LARP1B: variants seen among roughly 807,000 people sequenced by gnomAD.
The protein encoded by LARP1B is La ribonucleoprotein 1B.
A neutral mutation model predicts 114.2 loss-of-function variants in LARP1B; 76 were observed. The observed-to-expected ratio is 0.67, with a 90% CI of 0.55 to 0.81. The LOEUF (loss-of-function observed/expected upper bound fraction) is 0.81. Ranked by LOEUF, LARP1B falls within the 30% of genes least tolerant of loss-of-function variation. The pLI, the probability that LARP1B is intolerant of heterozygous loss-of-function variation, is 0.00. For synonymous variants in LARP1B, 345 were observed against 348.0 expected (o/e 0.99, Z 0.10); for missense variants, 1,014 against 1,075.8 (o/e 0.94, Z 0.80).
chr4:128,065,425 G>A (rs971396682), intron 1 of LARP1B, among the ~76,000 whole-genome samples: 2 of 147,256 alleles, frequency 1.4e-5, no homozygotes, highest in African/African-American at 5.0e-5. Flanking sequence ...TCCCAGGCTG[G>A]TCTTGAACTG....
intron 11 of LARP1B, among the ~76,000 whole-genome samples, chr4:128,128,930 C>T (rs1056538004): frequency 2.6e-5 from 4 of 151,894 alleles, no homozygotes; most frequent in African/African-American, 7.3e-5. Flanking sequence ...TTTGGGAGGA[C>T]GAGGTGGGCA....
At chr4:128,205,542 A>G (rs1757335223) in intron 17 of LARP1B, among the ~76,000 whole-genome samples, 1 of 152,196 alleles carries the variant, frequency 6.6e-6, no homozygotes. Context: ...TTTCTCATTT[A>G]CGTAGTGATT....
intron 12 of LARP1B, 53 bp from the exon 13 acceptor site, chr4:128,176,819 A>T: frequency 6.6e-7 from 1 of 1,512,484 alleles, no homozygotes. Flanking sequence ...GAAACAATAA[A>T]TGGATAAAAT....
Position 128,167,190 on chromosome 4 carries a change from C to A in LARP1B, c.1648+4873C>A, listed in dbSNP as rs77367002. On this transcript the variant is annotated intron_variant, in intron 12 of 19. Transcript: ENST00000326639. ...TGGACATGTGAGTGCAGATAGATAT[C>A]TTTCTATGGTGATGATTTCATTTCC... Among the ~76,000 whole-genome samples the A allele has an allele frequency of 3.0e-3, 458 of 151,750 alleles. 4 individuals carry two copies. Among genetic ancestry groups the A allele is most frequent in the African/African-American group, 0.011 (440 of 41,436 alleles).
chr4:128,219,744 A>G (rs1759843692), intron 6 of LARP1B, among the ~76,000 whole-genome samples: 2 of 150,426 alleles, frequency 1.3e-5, no homozygotes, highest in East Asian at 2.0e-4. Flanking sequence ...ATGTATACAT[A>G]GGTAACTAAC....
intron 6 of LARP1B, among the ~76,000 whole-genome samples, chr4:128,219,976 AC>A (rs1193809918): frequency 1.3e-5 from 2 of 152,052 alleles, no homozygotes; most frequent in Admixed American, 6.6e-5. Context: ...ACCTCTGTCT[AC>A]CAGGTTCAAG....
chr4:128,176,200 A>G (rs1745950336), intron 12 of LARP1B, among the ~76,000 whole-genome samples: 1 of 143,870 alleles, frequency 7.0e-6, no homozygotes, highest in South Asian at 2.1e-4. Context: ...ATATTTTTAT[A>G]TATTATATAT....
At chr4:128,152,842 A>G (rs1459353834) in intron 11 of LARP1B, among the ~76,000 whole-genome samples, 1 of 151,992 alleles carries the variant, frequency 6.6e-6, no homozygotes, top group Non-Finnish European at 1.5e-5. Context: ...TCTGTTCAGC[A>G]CATTTATATT....
At chr4:128,155,867 G>A (rs535696947) in intron 11 of LARP1B, 11 of 1,558,140 alleles carry the variant, frequency 7.1e-6, no homozygotes, top group African/African-American at 4.1e-5. Flanking sequence ...CAGAAGGAGC[G>A]CCTGGAGCTG....
chr4:128,178,371 T>C, intron 13 of LARP1B, 60 bp from the exon 14 acceptor site: 1 of 1,225,874 alleles, frequency 8.2e-7, no homozygotes, highest in Non-Finnish European at 1.2e-6. Context: ...ATTATCCTTA[T>C]TCTCAAAGTA....
intron 8 of LARP1B, among the ~76,000 whole-genome samples, chr4:128,105,060 C>A: frequency 7.5e-6 from 1 of 133,044 alleles, no homozygotes. Flanking sequence ...GGGAAAGTTT[C>A]AAGGAGTTTT....
chr4:128,114,741 G>A lies in LARP1B; in HGVS notation c.1160G>A (p.Arg387Lys), dbSNP rs767010650. 3.1e-6 allele frequency: 5 copies of A among 1,613,936 alleles called. No homozygotes were observed. Among genetic ancestry groups the A allele is most frequent in the Non-Finnish European group, 2.5e-6 (3 of 1,179,928 alleles). Residue 387 changes from arginine to lysine, a missense_variant and splice_region_variant, in exon 10 of 20, where the codon AGG (arginine) becomes AAG (lysine). By Grantham distance (26) the Arg-to-Lys change is conservative. Coordinates refer to ENST00000326639, the MANE Select transcript of LARP1B (RefSeq NM_018078.4). The stretch of plus-strand genomic sequence containing the variant: ...CATCAGCCAGCCCCAGTGAAATTGA[G>A]GGTAAGTTGTTACAGACTGAGTGAA... ...KRHQPAPVKLRESVSVPEGSL... is the reference protein window; with the variant it reads ...KRHQPAPVKLKESVSVPEGSL...
chr4:128,068,560 A>G (rs1561030869), intron 1 of LARP1B, among the ~76,000 whole-genome samples: 2 of 151,700 alleles, frequency 1.3e-5, no homozygotes, highest in Non-Finnish European at 2.9e-5. Flanking sequence ...TGGTCTCAGA[A>G]CTCTTGAACT....
intron 11 of LARP1B, among the ~76,000 whole-genome samples, chr4:128,124,055 T>C (rs1788815629): frequency 6.6e-6 from 1 of 152,212 alleles, no homozygotes; most frequent in Non-Finnish European, 1.5e-5. Flanking sequence ...ACTTGTACTT[T>C]TCCTGTGGGT....
chr4:128,073,121 T>C (rs906006438), intron 1 of LARP1B, among the ~76,000 whole-genome samples: 5 of 152,098 alleles, frequency 3.3e-5, no homozygotes, highest in African/African-American at 1.2e-4. Context: ...CCTTGAAAGA[T>C]ATACTACCTT....
At chr4:128,111,998 TTAAA>T (rs1222744605) in intron 9 of LARP1B, among the ~76,000 whole-genome samples, 1 of 151,864 alleles carries the variant, frequency 6.6e-6, no homozygotes, top group African/African-American at 2.4e-5. Flanking sequence ...CCTCTGTCTC[TTAAA>T]AAAAGTTTCA....
At chr4:128,099,545 G>A (rs1455080646) in intron 8 of LARP1B, among the ~76,000 whole-genome samples, 3 of 151,996 alleles carry the variant, frequency 2.0e-5, no homozygotes, top group African/African-American at 7.2e-5. Flanking sequence ...GTGCTTTTGA[G>A]ATTCACCTAT....
chr4:128,208,047 C>T (rs1758058913), intron 19 of LARP1B, among the ~76,000 whole-genome samples: 1 of 152,002 alleles, frequency 6.6e-6, no homozygotes, highest in African/African-American at 2.4e-5. Context: ...AAGGAAAAAG[C>T]CTGGGTGTGG....
At position 128,176,915 on chromosome 4, in the gene LARP1B, C is replaced by T. The variant is rs1403564159; in HGVS notation, c.1684+8C>T. ...TTCACATTCCCAAGAAAGGTAACAT[C>T]TGTGGTGGGTATTAAAGGGAGGCTA... On this transcript the variant is annotated splice_region_variant and intron_variant, in intron 13 of 19. Transcript: ENST00000326639. The T allele has an allele frequency of 6.2e-6, 10 of 1,613,044 alleles. No individual in the cohort carries two copies. Among genetic ancestry groups the T allele is most frequent in the Non-Finnish European group, 8.5e-6 (10 of 1,179,198 alleles).
Sources: allele counts gnomAD v4.1 joint callset (sites outside exome capture counted in the v4.1 genomes callset), GRCh38; gene constraint gnomAD v4.1.1; transcripts MANE v1.5; gene names NCBI Gene and HGNC (gene_info 2026-07-23, HGNC 2026-07-21).